Variants in PRDM1 observed in about 807,000 individuals in gnomAD.
PRDM1 encodes PR/SET domain 1.
Under a neutral mutation model 62.8 loss-of-function variants are expected in PRDM1, and 13 were observed. The ratio of observed to expected loss-of-function variants is 0.21; its 90% CI spans 0.13 to 0.33. The LOEUF is 0.33. Among genes scored for constraint, PRDM1 ranks in the 10% least tolerant of loss-of-function variants. The pLI is 1.00. For synonymous variants in PRDM1, 396 were observed against 417.6 expected, an observed-to-expected ratio of 0.95 and a Z score of 0.63; for missense variants, 895 against 1,058.8, an observed-to-expected ratio of 0.85 and a Z score of 2.15.
chr6:106,095,495 T>A (rs1774089043), intron 2 of PRDM1, 120 bp from the exon 3 acceptor site: 1 of 1,150,210 alleles, frequency 8.7e-7, no homozygotes, highest in East Asian at 2.6e-5. Flanking sequence ...GTCTGTTTAC[T>A]TATCAAAATT....
chr6:106,038,012 G>GTTTTTTTTTTTTTTTTTTTTTTT (rs1302119750), intron 1 of PRDM1, among the ~76,000 whole-genome samples: 2 of 20,524 alleles, frequency 9.7e-5, no homozygotes, highest in Non-Finnish European at 1.9e-4. Flanking sequence ...TGCTATTTTT[G>GTTTTTTTTTTTTTTTTTTTTTTT]TCTTTTTTTT....
intron 2 of PRDM1, among the ~76,000 whole-genome samples, chr6:106,094,764 G>C (rs1387589543): frequency 6.6e-6 from 1 of 151,808 alleles, no homozygotes; most frequent in Non-Finnish European, 1.5e-5. Flanking sequence ...TTAGCTGGGC[G>C]TGATGGTGCA....
intron 4 of PRDM1, among the ~76,000 whole-genome samples, chr6:106,101,523 G>A (rs486522): frequency 0.15 from 22,577 of 152,124 alleles, 1,879 homozygotes; most frequent in South Asian, 0.19. Context: ...TTTCTAAATG[G>A]TGGTTTAACA....
At chr6:105,998,412 T>C (rs1037604437) in intron 1 of PRDM1, among the ~76,000 whole-genome samples, 1 of 152,150 alleles carries the variant, frequency 6.6e-6, no homozygotes, top group Non-Finnish European at 1.5e-5. Context: ...ACTTTAAATA[T>C]AAGACATACT....
chr6:106,060,714 G>A (rs1041118482), intron 1 of PRDM1, among the ~76,000 whole-genome samples: 2 of 152,026 alleles, frequency 1.3e-5, no homozygotes, highest in Non-Finnish European at 1.5e-5. Context: ...AAAACGTGCT[G>A]GGAAGACTAA....
chr6:106,062,135 G>A (rs529990537), intron 1 of PRDM1, among the ~76,000 whole-genome samples: 1 of 152,134 alleles, frequency 6.6e-6, no homozygotes. Context: ...TGTCTACATG[G>A]CTTGTTTTGA....
rs1248575261 is a variant in PRDM1 at position 106,105,225 on chromosome 6, C to T, written c.1065C>T (p.Ser355=). Residue 355 remains serine, a synonymous_variant, in exon 5 of 7, where the codon AGC becomes AGT. Coordinates refer to ENST00000369096, the MANE Select transcript of PRDM1 (RefSeq NM_001198.4). The stretch of plus-strand genomic sequence containing the variant: ...TCAAGAGCTCCAGCCCTCACAGCAG[C>T]CCTGGGAATACGGTGTCCCCTGTGG... ...QSLKSSSPHS[S]PGNTVSPVGP... is the part of the protein sequence containing the mutation. 1 of 1,613,822 alleles carries T rather than the reference C, an allele frequency of 6.2e-7. No homozygotes were observed.
intron 1 of PRDM1, among the ~76,000 whole-genome samples, chr6:106,053,931 G>A (rs971751194): frequency 6.6e-6 from 1 of 151,162 alleles, no homozygotes; most frequent in East Asian, 1.9e-4. Flanking sequence ...TTTTGAATGA[G>A]TGTCTAGAGT....
Position 106,023,485 on chromosome 6 carries a change from A to AT in PRDM1, c.-67+29846_-67+29847insT, listed in dbSNP as rs887125949. 1.4e-4 allele frequency among the ~76,000 whole-genome samples: 21 copies of AT among 151,870 alleles called. No homozygotes were observed. In the South Asian group the frequency reaches 1.7e-3, roughly 12 times the overall value. ...CGAGACTCTGTCTCAAAAAAAAAAA[A>AT]AAATAAATAATGATTTGAAGTAAGT... On this transcript the variant is annotated intron_variant, in intron 1 of 6. Coordinates refer to the PRDM1 transcript ENST00000652320.
At chr6:106,015,924 A>G (rs1013620445) in intron 1 of PRDM1, among the ~76,000 whole-genome samples, 20 of 152,110 alleles carry the variant, frequency 1.3e-4, no homozygotes, top group African/African-American at 4.6e-4. Context: ...CACTGTCAAC[A>G]TTATCTGTTT....
At chr6:106,034,417 G>C (rs1772893361) in intron 1 of PRDM1, among the ~76,000 whole-genome samples, 1 of 151,798 alleles carries the variant, frequency 6.6e-6, no homozygotes, top group Non-Finnish European at 1.5e-5. Flanking sequence ...CAATGCTTTT[G>C]CTGCATCCCA....
In PRDM1 at chr6:106,008,170, A is replaced by G. The variant is rs188310613; in HGVS notation, c.-67+14531A>G. On this transcript the variant is annotated intron_variant, in intron 1 of 6. Transcript: ENST00000652320. ...GGTGGATCACGAGGTCAAGAGATCG[A>G]GACCATCCTGGCCAATGTGGTGAAA... Among the ~76,000 whole-genome samples the G allele has an allele frequency of 4.5e-4, 69 of 152,274 alleles. 1 individual carries two copies. In the East Asian group the frequency reaches 0.012, roughly 27 times the overall value.
rs528735730 is a variant in PRDM1 at position 106,107,077 on chromosome 6, C to T, written c.2069C>T (p.Ser690Phe). 3.1e-6 allele frequency: 5 copies of T among 1,614,226 alleles called. No homozygotes were observed. The African/African-American group carries it at 5.3e-5, about 17-fold the overall frequency. Residue 690 changes from serine to phenylalanine, a missense_variant, in exon 7 of 7, where the codon TCC becomes TTC. Physicochemically the swap from Ser to Phe is radical, Grantham distance 155 (BLOSUM62 -2). This residue lies in a region of PRDM1 where 164 missense variants were observed against 179.9 expected (regional missense o/e 0.91). Transcript: ENST00000369096. ...LHTRERPHKC[S>F]QCHKNYIHLC... Reference sequence around the variant, plus strand: ...ACCCGGGAGCGGCCCCACAAGTGCTCCCAGTGCCACAAGAACTACATCCAT... The same window carrying T: ...ACCCGGGAGCGGCCCCACAAGTGCTTCCAGTGCCACAAGAACTACATCCAT...
At chr6:106,062,021 G>C (rs926691595) in intron 1 of PRDM1, among the ~76,000 whole-genome samples, 1 of 152,162 alleles carries the variant, frequency 6.6e-6, no homozygotes, top group Non-Finnish European at 1.5e-5. Context: ...AGGCAAGGGT[G>C]GGGGAAAAAC....
intron 1 of PRDM1, among the ~76,000 whole-genome samples, chr6:106,029,889 G>T (rs757596075): frequency 6.6e-6 from 1 of 152,108 alleles, no homozygotes; most frequent in Non-Finnish European, 1.5e-5. Context: ...AAAGCGTTAG[G>T]ATTACAGGCA....
intron 1 of PRDM1, among the ~76,000 whole-genome samples, chr6:106,026,773 A>T (rs1772772232): frequency 6.6e-6 from 1 of 152,212 alleles, no homozygotes; most frequent in Non-Finnish European, 1.5e-5. Context: ...TGTAGAAAGG[A>T]GACCATAGAA....
intron 1 of PRDM1, among the ~76,000 whole-genome samples, chr6:106,034,375 T>C (rs148054020): frequency 1.3e-5 from 2 of 152,196 alleles, no homozygotes; most frequent in East Asian, 3.9e-4. Flanking sequence ...TTATTTTTGT[T>C]TGTGTTTATA....
intron 1 of PRDM1, among the ~76,000 whole-genome samples, chr6:106,034,746 C>T (rs183290217): frequency 1.3e-4 from 20 of 150,200 alleles, no homozygotes; most frequent in Admixed American, 1.1e-3. Flanking sequence ...ATTCTCCTGT[C>T]TCAGCCTCCC....
At chr6:106,086,212 T>C (rs1773797627), upstream of PRDM1, 2 of 353,804 alleles carry the variant, frequency 5.7e-6, no homozygotes, top group East Asian at 4.3e-5. Context: ...TCGGCGGCTG[T>C]GCTAGCAATC....
Sources: gnomAD v4.1 joint callset for allele counts (sites outside exome capture counted in the v4.1 genomes callset) on GRCh38, gnomAD v4.1.1 for gene constraint, gnomAD v4.1.1 regional missense constraint, MANE v1.5 for transcripts, NCBI Gene and HGNC (gene_info 2026-07-23, HGNC 2026-07-21) for gene names.